Variants in MYPN observed in about 807,000 individuals in gnomAD.
MYPN encodes the protein sarcomeric protein myopalladin, 145 kDa (MYOP).
Under a neutral mutation model 129.4 loss-of-function variants are expected in MYPN, and 63 were observed. The observed-to-expected ratio is 0.49, with a 90% confidence interval of 0.40 to 0.60. The LOEUF is 0.60. Ranked by LOEUF, MYPN falls within the 20% of genes least tolerant of loss-of-function variation. The pLI is 0.00. For missense variants in MYPN, 1,596 were observed against 1,635.4 expected, an observed-to-expected ratio of 0.98 and a Z score of 0.42; for synonymous variants, 629 against 600.9, an observed-to-expected ratio of 1.05 and a Z score of -0.68.
intron 2 of MYPN, among the ~76,000 whole-genome samples, chr10:68,133,664 G>A (rs775115287): frequency 4.6e-5 from 7 of 152,068 alleles, no homozygotes; most frequent in African/African-American, 1.2e-4. Context: ...TACAATAAGC[G>A]AGAGGGGGCC....
At chr10:68,148,948 A>G (rs2042718218) in intron 5 of MYPN, among the ~76,000 whole-genome samples, 1 of 152,198 alleles carries the variant, frequency 6.6e-6, no homozygotes, top group Admixed American at 6.5e-5. Flanking sequence ...GAAGTATGCC[A>G]GGTGTGGTGG....
intron 12 of MYPN, among the ~76,000 whole-genome samples, chr10:68,183,020 A>G (rs1340315136): frequency 2.0e-5 from 3 of 152,192 alleles, no homozygotes. Context: ...TCAGGCCCCA[A>G]CTTAAAATCA....
intron 1 of MYPN, among the ~76,000 whole-genome samples, chr10:68,117,394 A>T (rs897080866): frequency 1.7e-4 from 26 of 152,100 alleles, no homozygotes; most frequent in Non-Finnish European, 1.0e-4. Context: ...CACTTCATAT[A>T]TTGTGATAAG....
In MYPN at chr10:68,173,806, G is replaced by A. The variant is rs7089387; in HGVS notation, c.1974-260G>A. On this transcript the variant is annotated intron_variant, in intron 10 of 19. Coordinates refer to ENST00000358913, the MANE Select transcript of MYPN (RefSeq NM_032578.4). ...TGGGGCTACAGGCGTGCACCACCATGTCTGGCTAATATATATGTATATATA... is the reference window on the plus strand; with the variant it reads ...TGGGGCTACAGGCGTGCACCACCATATCTGGCTAATATATATGTATATATA... 4.8e-3 allele frequency among the ~76,000 whole-genome samples: 714 copies of A among 149,892 alleles called. 2 individuals carry two copies. The highest frequency in any genetic ancestry group is 0.016 in the African/African-American group (668 of 40,932).
At chr10:68,152,790 C>T (rs1288634558) in intron 6 of MYPN, among the ~76,000 whole-genome samples, 1 of 152,022 alleles carries the variant, frequency 6.6e-6, no homozygotes, top group African/African-American at 2.4e-5. Context: ...GCGTCCACCA[C>T]CATGCCTGGC....
chr10:68,115,258 CAAAAAAAAA>C (rs58484168), intron 1 of MYPN, among the ~76,000 whole-genome samples: 10 of 53,646 alleles, frequency 1.9e-4, no homozygotes, highest in Admixed American at 6.3e-4. Context: ...AACTCCATCT[CAAAAAAAAA>C]AAAAAAAAAA....
At chr10:68,136,384 G>T in intron 2 of MYPN, 1 of 868,338 alleles carries the variant, frequency 1.2e-6, no homozygotes, top group Non-Finnish European at 1.5e-6. Context: ...ATGAGGATTT[G>T]GCGTTCTAAA....
rs771893315 is a variant in MYPN, at chr10:68,189,077, G to T, written c.2876G>T (p.Gly959Val). Reference sequence around the variant, plus strand: ...CTCAAGCACTTCCGGGTCACAGAAGGCTCTCCAGTTACATTCACCTGCAAA... The same window carrying T: ...CTCAAGCACTTCCGGGTCACAGAAGTCTCTCCAGTTACATTCACCTGCAAA... ...KRLKHFRVTE[G>V]SPVTFTCKIV... The change falls in exon 13 of 20, where the codon GGC (glycine) becomes GTC (valine). Residue 959 changes from glycine (G) to valine (V), a missense_variant. By Grantham distance (109) the Gly-to-Val change is moderately radical. Transcript: ENST00000358913. 6.2e-7 allele frequency: 1 copy of T among 1,614,004 alleles called. No homozygotes were observed. Among genetic ancestry groups the T allele is most frequent in the Admixed American group, 1.7e-5 (1 of 59,992 alleles).
chr10:68,150,666 G>A (rs1233339700), intron 6 of MYPN, among the ~76,000 whole-genome samples: 3 of 152,086 alleles, frequency 2.0e-5, no homozygotes, highest in Non-Finnish European at 2.9e-5. Flanking sequence ...ACCAAGGGAG[G>A]GCCAGAGAGA....
intron 17 of MYPN, among the ~76,000 whole-genome samples, chr10:68,200,625 G>A (rs2043693651): frequency 6.6e-6 from 1 of 152,028 alleles, no homozygotes; most frequent in Non-Finnish European, 1.5e-5. Context: ...AGGTGTGGTG[G>A]CGCACACCTG....
In MYPN at chr10:68,148,588, C is replaced by T. The variant is rs2042710949; in HGVS notation, c.1245+121C>T. 6.2e-6 allele frequency: 5 copies of T among 802,868 alleles called. No individual in the cohort carries two copies. The Admixed American group carries it at 9.7e-5, about 16-fold the overall frequency. The allele number at this position is 802,868 out of a possible 1,614,324, so 49.7% of individuals were successfully genotyped here. A position where few individuals can be genotyped will look rare whatever the true frequency, so the allele number is the denominator to read the frequency against. On this transcript the variant is annotated intron_variant, in intron 5 of 19. Transcript: ENST00000358913. ...GGTGCAACTCCATCATCAGGATAAT[C>T]ACCTTGTATTTCTGATGTTTGAGAG...
At chr10:68,112,502 T>C (rs1205486718) in intron 1 of MYPN, among the ~76,000 whole-genome samples, 1 of 152,234 alleles carries the variant, frequency 6.6e-6, no homozygotes, top group Non-Finnish European at 1.5e-5. Context: ...GCTTATTATC[T>C]AAAAGTCTTC....
chr10:68,148,440 C>T lies in MYPN; in HGVS notation c.1218C>T (p.Ala406=). 2 of 1,614,102 alleles carry T rather than the reference C, an allele frequency of 1.2e-6. No homozygotes were observed. The highest frequency in any genetic ancestry group is 1.1e-5 in the South Asian group (1 of 91,080). Residue 406 remains alanine (A), a synonymous_variant, in exon 5 of 20, where the codon GCC becomes GCT. Transcript: ENST00000358913. ...TACCCCAAGCCCAGCATTTGGTGGC[C>T]CAACCTCGTGTGGCAACCATCCAGC... ...PAVPQAQHLV[A]QPRVATIQQC... is the part of the protein sequence containing the mutation.
intron 6 of MYPN, among the ~76,000 whole-genome samples, chr10:68,157,149 G>A (rs1169185481): frequency 1.3e-5 from 2 of 152,158 alleles, no homozygotes; most frequent in African/African-American, 4.8e-5. Context: ...ACCTTTCATT[G>A]TGGGAGTGTG....
At chr10:68,174,794 G>A in intron 11 of MYPN, 138 bp downstream of exon 11, 2 of 800,766 alleles carry the variant, frequency 2.5e-6, no homozygotes, top group Admixed American at 2.0e-5. Context: ...AATGGATGTG[G>A]AACACTTCAG....
In MYPN at chr10:68,122,000, C is replaced by A; in HGVS notation, c.562C>A (p.Gln188Lys). The change falls in exon 2 of 20, where the codon CAA becomes AAA. Residue 188 changes from glutamine (Q) to lysine (K), a missense_variant. Physicochemically the swap from Gln to Lys is moderately conservative, Grantham distance 53 (BLOSUM62 1). Coordinates refer to ENST00000358913, the MANE Select transcript of MYPN (RefSeq NM_032578.4). ...CKNHKSKLES[Q>K]NKVMQENSSS... ...AAACCACAAGAGTAAACTGGAATCT[C>A]AAAACAAAGTTATGCAGGAAAACAG... 1 of 1,614,194 alleles carries A rather than the reference C, an allele frequency of 6.2e-7. No individual in the cohort carries two copies. Among genetic ancestry groups the A allele is most frequent in the Non-Finnish European group, 8.5e-7 (1 of 1,180,040 alleles).
intron 1 of MYPN, among the ~76,000 whole-genome samples, chr10:68,117,239 A>C (rs1210464497): frequency 1.3e-5 from 2 of 151,758 alleles, no homozygotes; most frequent in African/African-American, 4.8e-5. Flanking sequence ...AAAAAAAAAA[A>C]GTGAAAGCTA....
chr10:68,096,390 C>T (rs759427945), intron 1 of MYPN, among the ~76,000 whole-genome samples: 5 of 152,036 alleles, frequency 3.3e-5, no homozygotes, highest in East Asian at 1.9e-4. Context: ...GGTGAAGCCC[C>T]GTCTCTACTA....
rs1252743384 is a variant in MYPN at position 68,121,022 on chromosome 10, T to TA, written c.-1-414dup. On this transcript the variant is annotated intron_variant, in intron 1 of 19. Transcript: ENST00000358913. ...GGGAGGGCACAGTGGCTCACCCCTATAATCCCAGCACTTTGGAAGGCTGAG... is the reference window on the plus strand; with the variant it reads ...GGGAGGGCACAGTGGCTCACCCCTATAAATCCCAGCACTTTGGAAGGCTGAG... 3.3e-5 allele frequency among the ~76,000 whole-genome samples: 5 copies of TA among 152,328 alleles called. No individual in the cohort carries two copies. The East Asian group carries it at 9.6e-4, about 29-fold the overall frequency.
Sources: allele counts gnomAD v4.1 joint callset (sites outside exome capture counted in the v4.1 genomes callset), GRCh38; gene constraint gnomAD v4.1.1; transcripts MANE v1.5; gene names NCBI Gene and HGNC (gene_info 2026-07-23, HGNC 2026-07-21).